Variants in TSPAN9 observed in about 807,000 individuals in gnomAD.
TSPAN9 encodes the protein tetraspanin 9, also known as tetraspanin-9.
TSPAN9 carries 16 observed loss-of-function variants against 31.0 expected under a neutral mutation model. The observed-to-expected ratio is 0.52, with a 90% confidence interval of 0.35 to 0.78. The LOEUF is 0.78. TSPAN9 is among the 30% of genes least tolerant of loss of function. TSPAN9 has a pLI of 0.01. For synonymous variants in TSPAN9, 145 were observed against 121.6 expected (o/e 1.19, Z -1.27); for missense variants, 272 against 312.5 (o/e 0.87, Z 0.98).
At chr12:3,116,800 C>CA (rs1469568218) in intron 2 of TSPAN9, among the ~76,000 whole-genome samples, 1 of 152,204 alleles carries the variant, frequency 6.6e-6, no homozygotes, top group Non-Finnish European at 1.5e-5. Flanking sequence ...TATTTGACAA[C>CA]AGAACCCCTC....
At chr12:3,133,675 T>G (rs1486994100) in intron 2 of TSPAN9, among the ~76,000 whole-genome samples, 1 of 152,050 alleles carries the variant, frequency 6.6e-6, no homozygotes, top group Non-Finnish European at 1.5e-5. Context: ...GAGCAGGTGG[T>G]TTTTTTCTCC....
chr12:3,088,756 G>T (rs962790143), intron 2 of TSPAN9, among the ~76,000 whole-genome samples: 1 of 152,202 alleles, frequency 6.6e-6, no homozygotes, highest in African/African-American at 2.4e-5. Flanking sequence ...GGGAAGAGAA[G>T]GGTCTCTGAG....
intron 3 of TSPAN9, among the ~76,000 whole-genome samples, chr12:3,270,742 G>A (rs1249154112): frequency 1.3e-5 from 2 of 152,236 alleles, no homozygotes; most frequent in African/African-American, 4.8e-5. Flanking sequence ...GGTAGGGGCT[G>A]TCCCCAAAGT....
intron 2 of TSPAN9, among the ~76,000 whole-genome samples, chr12:3,116,886 TG>T (rs2098322687): frequency 6.6e-6 from 1 of 152,168 alleles, no homozygotes; most frequent in South Asian, 2.1e-4. Flanking sequence ...TGGCCGCCCT[TG>T]GACGCATTCT....
Position 3,247,902 on chromosome 12 carries a change from G to A in TSPAN9, c.64-30519G>A, listed in dbSNP as rs538987163. Among the ~76,000 whole-genome samples the A allele has an allele frequency of 1.2e-4, 18 of 152,316 alleles. No individual in the cohort carries two copies. In the South Asian group the frequency reaches 3.5e-3, roughly 30 times the overall value. On this transcript the variant is annotated intron_variant, in intron 3 of 8. Transcript: ENST00000011898. ...CAGAAATGCTGACCCCTTGCCTGTC[G>A]CTTCTGTTGCTAGAACAGGGCAGCA...
intron 2 of TSPAN9, among the ~76,000 whole-genome samples, chr12:3,185,219 G>C (rs935682816): frequency 2.6e-5 from 4 of 152,186 alleles, no homozygotes; most frequent in Non-Finnish European, 5.9e-5. Context: ...GGCGGGAGAA[G>C]GGAGTTGGGG....
intron 2 of TSPAN9, chr12:3,174,103 C>T (rs1196999164): frequency 6.6e-6 from 1 of 152,382 alleles, no homozygotes; most frequent in Non-Finnish European, 1.5e-5. Context: ...GAGGCAGGAT[C>T]TTACTCTGTT....
intron 2 of TSPAN9, among the ~76,000 whole-genome samples, chr12:3,135,486 C>A (rs536966776): frequency 2.4e-3 from 359 of 152,244 alleles, no homozygotes; most frequent in Non-Finnish European, 4.4e-3. Context: ...GTTTTTGACA[C>A]GTTTTCTCCT....
chr12:3,101,365 T>G (rs1346760350), intron 2 of TSPAN9, among the ~76,000 whole-genome samples: 1 of 152,106 alleles, frequency 6.6e-6, no homozygotes, highest in Non-Finnish European at 1.5e-5. Context: ...CTGCTGGGAT[T>G]TAAGCCAAAC....
At chr12:3,264,500 C>T (rs1047298275) in intron 3 of TSPAN9, among the ~76,000 whole-genome samples, 5 of 152,158 alleles carry the variant, frequency 3.3e-5, no homozygotes, top group South Asian at 2.1e-4. Flanking sequence ...GGCTGGGGAC[C>T]GGCAGGACGG....
At chr12:3,111,085 T>C (rs1045599946) in intron 2 of TSPAN9, among the ~76,000 whole-genome samples, 1 of 152,074 alleles carries the variant, frequency 6.6e-6, no homozygotes, top group African/African-American at 2.4e-5. Context: ...CAGGTGCGAG[T>C]GCTGGGATGT....
intron 2 of TSPAN9, among the ~76,000 whole-genome samples, chr12:3,103,966 A>G (rs2098313011): frequency 6.6e-6 from 1 of 152,146 alleles, no homozygotes; most frequent in South Asian, 2.1e-4. Flanking sequence ...GCAGGGCGGG[A>G]CGGGAGGATG....
At chr12:3,157,350 C>T (rs1391496635) in intron 2 of TSPAN9, among the ~76,000 whole-genome samples, 1 of 152,144 alleles carries the variant, frequency 6.6e-6, no homozygotes, top group Admixed American at 6.5e-5. Flanking sequence ...ATCCCCCCAC[C>T]TCGGCCTCCC....
intron 2 of TSPAN9, among the ~76,000 whole-genome samples, chr12:3,199,210 A>T (rs1420825302): frequency 6.6e-6 from 1 of 152,172 alleles, no homozygotes; most frequent in Non-Finnish European, 1.5e-5. Context: ...GAATTCTTCC[A>T]TCCAGCCATC....
At position 3,130,975 on chromosome 12, in the gene TSPAN9, C is replaced by A. The variant is rs184505617; in HGVS notation, c.-18+47256C>A. Reference sequence around the variant, plus strand: ...GCCGCATCGGATTTCAAGGGCAGAACCTTCAAGGTCGTTGGGGCCAGTGCC... The same window carrying A: ...GCCGCATCGGATTTCAAGGGCAGAAACTTCAAGGTCGTTGGGGCCAGTGCC... On this transcript the variant is annotated intron_variant, in intron 2 of 8. Coordinates refer to ENST00000011898, the MANE Select transcript of TSPAN9 (RefSeq NM_006675.5). Among the ~76,000 whole-genome samples, 323 of 152,232 alleles carry A rather than the reference C, an allele frequency of 2.1e-3. 6 individuals carry two copies. The highest frequency in any genetic ancestry group is 0.02 in the South Asian group (98 of 4,826).
At chr12:3,226,652 ATGTG>A (rs59811095) in intron 3 of TSPAN9, among the ~76,000 whole-genome samples, 33 of 95,542 alleles carry the variant, frequency 3.5e-4, no homozygotes, top group African/African-American at 1.3e-3. Flanking sequence ...TTTTATATAT[ATGTG>A]TGTGTGTGTG....
chr12:3,148,369 A>C (rs190489723), intron 2 of TSPAN9, among the ~76,000 whole-genome samples: 7 of 152,338 alleles, frequency 4.6e-5, no homozygotes, highest in African/African-American at 1.4e-4. Flanking sequence ...GTCCAGAGTC[A>C]CAAGCTGAAT....
chr12:3,217,226 C>T (rs986759101), intron 3 of TSPAN9, among the ~76,000 whole-genome samples: 8 of 152,334 alleles, frequency 5.3e-5, no homozygotes, highest in African/African-American at 1.2e-4. Context: ...GCCTCATGCC[C>T]GGACCTTGGA....
chr12:3,262,127 C>T (rs1005547643), intron 3 of TSPAN9, among the ~76,000 whole-genome samples: 1 of 152,242 alleles, frequency 6.6e-6, no homozygotes, highest in Non-Finnish European at 1.5e-5. Context: ...ATTTCTACTT[C>T]CAGAGATGCA....
Sources: allele counts gnomAD v4.1 joint callset (sites outside exome capture counted in the v4.1 genomes callset), GRCh38; gene constraint gnomAD v4.1.1; transcripts MANE v1.5; gene names NCBI Gene and HGNC (gene_info 2026-07-23, HGNC 2026-07-21).